The following DNER variants were observed in gnomAD, a reference collection of about 807,000 sequenced individuals.
DNER encodes the protein delta/notch like EGF repeat containing, also known as delta and Notch-like epidermal growth factor-related receptor.
Under a neutral mutation model 78.2 loss-of-function variants are expected in DNER, and 33 were observed. The ratio of observed to expected loss-of-function variants is 0.42; its 90% CI spans 0.32 to 0.56. The LOEUF (loss-of-function observed/expected upper bound fraction) is 0.56, where lower values mean the gene tolerates loss of function less well. Ranked by LOEUF, DNER falls within the 20% of genes least tolerant of loss-of-function variation. The pLI, the probability that DNER is intolerant of heterozygous loss-of-function variation, is 0.11. For missense variants in DNER, 918 were observed against 975.3 expected, an observed-to-expected ratio of 0.94 and a Z score of 0.78; for synonymous variants, 417 against 384.8, an observed-to-expected ratio of 1.08 and a Z score of -0.98.
At chr2:229,606,024 TG>T (rs1236119025) in intron 1 of DNER, among the ~76,000 whole-genome samples, 3 of 151,940 alleles carry the variant, frequency 2.0e-5, no homozygotes, top group African/African-American at 7.3e-5. Context: ...CCTTCTCCGG[TG>T]GAAAAAAAAT....
At chr2:229,393,039 A>G (rs1693050314) in intron 10 of DNER, among the ~76,000 whole-genome samples, 1 of 152,242 alleles carries the variant, frequency 6.6e-6, no homozygotes, top group African/African-American at 2.4e-5. Flanking sequence ...GAAATAAAAT[A>G]TAAAAAACAA....
intron 10 of DNER, among the ~76,000 whole-genome samples, chr2:229,394,254 T>C (rs1056628347): frequency 2.0e-5 from 3 of 152,204 alleles, no homozygotes; most frequent in Admixed American, 6.5e-5. Context: ...TGTACTTCGA[T>C]TGTCCTGCAC....
Position 229,407,309 on chromosome 2 carries a change from T to A in DNER, c.1646A>T (p.Asn549Ile). 6.2e-7 allele frequency: 1 copy of A among 1,613,918 alleles called. No individual in the cohort carries two copies. The highest frequency in any genetic ancestry group is 1.3e-5 in the African/African-American group (1 of 75,026). The change falls in exon 10 of 13, where the codon AAC becomes ATC. Residue 549 changes from asparagine (N) to isoleucine (I), a missense_variant. Transcript: ENST00000341772. ...HCELYKDPCA[N>I]VSCLNGATCD... ...GGTGGCTCCGTTCAGACAGCTGACG[T>A]TAGCGCAGGGATCCTTGTACAATTC...
At chr2:229,613,018 C>T (rs1698077745) in intron 1 of DNER, among the ~76,000 whole-genome samples, 1 of 152,144 alleles carries the variant, frequency 6.6e-6, no homozygotes, top group African/African-American at 2.4e-5. Flanking sequence ...AAAATTCAAT[C>T]GCACTTGCAT....
intron 10 of DNER, among the ~76,000 whole-genome samples, chr2:229,404,384 G>A (rs1693336075): frequency 1.3e-5 from 2 of 151,712 alleles, no homozygotes. Context: ...GCCAGCAGGG[G>A]AAATGCCAGC....
At chr2:229,623,123 C>T (rs72991687) in intron 1 of DNER, among the ~76,000 whole-genome samples, 1 of 152,238 alleles carries the variant, frequency 6.6e-6, no homozygotes, top group Non-Finnish European at 1.5e-5. Context: ...TTGAGACTCT[C>T]GCAGACCTCA....
At chr2:229,632,365 G>A (rs1000121593) in intron 1 of DNER, among the ~76,000 whole-genome samples, 4 of 152,080 alleles carry the variant, frequency 2.6e-5, no homozygotes, top group Non-Finnish European at 4.4e-5. Context: ...ATAATATAGC[G>A]CTTGCATACT....
intron 1 of DNER, among the ~76,000 whole-genome samples, chr2:229,643,828 T>C (rs1270298264): frequency 6.6e-6 from 1 of 152,262 alleles, no homozygotes; most frequent in Non-Finnish European, 1.5e-5. Context: ...TCCTTGTTTA[T>C]GCTCCAAAGC....
chr2:229,624,469 G>A (rs908956206), intron 1 of DNER, among the ~76,000 whole-genome samples: 1 of 149,816 alleles, frequency 6.7e-6, no homozygotes, highest in Non-Finnish European at 1.5e-5. Flanking sequence ...AAGTAAAAAG[G>A]TGAGTCTCTG....
intron 1 of DNER, among the ~76,000 whole-genome samples, chr2:229,592,470 A>G (rs1291538515): frequency 6.6e-6 from 1 of 152,156 alleles, no homozygotes; most frequent in Non-Finnish European, 1.5e-5. Context: ...GCTAGAAGAG[A>G]CTGTGGTGGG....
At chr2:229,676,423 T>A (rs906352984) in intron 1 of DNER, among the ~76,000 whole-genome samples, 2 of 152,222 alleles carry the variant, frequency 1.3e-5, no homozygotes, top group Non-Finnish European at 2.9e-5. Context: ...ATCTGGCAAG[T>A]GCTAAATCAT....
At chr2:229,475,502 C>A (rs1017147819) in intron 7 of DNER, among the ~76,000 whole-genome samples, 1 of 152,214 alleles carries the variant, frequency 6.6e-6, no homozygotes, top group African/African-American at 2.4e-5. Context: ...TTCAAAGCAC[C>A]TATTCCTGCA....
intron 5 of DNER, among the ~76,000 whole-genome samples, chr2:229,544,947 C>T (rs1696591575): frequency 6.6e-6 from 1 of 152,168 alleles, no homozygotes; most frequent in South Asian, 2.1e-4. Flanking sequence ...TTCTGTTAGT[C>T]CCCCTCCTCA....
intron 1 of DNER, among the ~76,000 whole-genome samples, chr2:229,668,350 G>A (rs775475393): frequency 2.0e-4 from 30 of 149,890 alleles, no homozygotes; most frequent in East Asian, 1.2e-3. Flanking sequence ...GTATCACTTC[G>A]CGTCCCAGAA....
chr2:229,684,861 A>G (rs1699458032), intron 1 of DNER, among the ~76,000 whole-genome samples: 1 of 152,238 alleles, frequency 6.6e-6, no homozygotes, highest in Non-Finnish European at 1.5e-5. Context: ...CTGTTTTCCA[A>G]ATGAAACTAA....
intron 7 of DNER, among the ~76,000 whole-genome samples, chr2:229,466,624 G>T (rs563076354): frequency 2.0e-5 from 3 of 152,044 alleles, no homozygotes; most frequent in Non-Finnish European, 2.9e-5. Flanking sequence ...CATATGTCTC[G>T]CTCACTGCTG....
chr2:229,414,838 A>T (rs1405507267), intron 9 of DNER, among the ~76,000 whole-genome samples: 1 of 152,162 alleles, frequency 6.6e-6, no homozygotes, highest in Non-Finnish European at 1.5e-5. Flanking sequence ...AGTTCCTCCC[A>T]GGTGGGCCTG....
chr2:229,687,241 T>C (rs905192669), intron 1 of DNER, among the ~76,000 whole-genome samples: 1 of 151,856 alleles, frequency 6.6e-6, no homozygotes, highest in African/African-American at 2.4e-5. Context: ...TGAATATCTC[T>C]GTTTATACAA....
intron 9 of DNER, among the ~76,000 whole-genome samples, chr2:229,410,997 T>C (rs1206544815): frequency 6.6e-6 from 1 of 152,172 alleles, no homozygotes; most frequent in African/African-American, 2.4e-5. Flanking sequence ...ATCTCAGAAA[T>C]TACAATTGAC....
Sources: gnomAD v4.1 joint callset for allele counts (sites outside exome capture counted in the v4.1 genomes callset) on GRCh38, gnomAD v4.1.1 for gene constraint, MANE v1.5 for transcripts, NCBI Gene and HGNC (gene_info 2026-07-23, HGNC 2026-07-21) for gene names.